Variants in PIEZO2 observed in about 807,000 individuals in gnomAD.
PIEZO2 encodes piezo type mechanosensitive ion channel component 2.
Under a neutral mutation model 337.3 loss-of-function variants are expected in PIEZO2, and 172 were observed. The observed-to-expected ratio is 0.51, with a 90% CI of 0.45 to 0.58. The LOEUF (loss-of-function observed/expected upper bound fraction) is 0.58, where lower values mean the gene tolerates loss of function less well. Among genes scored for constraint, PIEZO2 ranks in the 20% least tolerant of loss-of-function variants. PIEZO2 has a pLI of 0.00. For missense variants in PIEZO2, 3,028 were observed against 3,391.3 expected (o/e 0.89, Z 2.66); for synonymous variants, 1,251 against 1,228.5 (o/e 1.02, Z -0.38).
chr18:10,701,844 T>TA, intron 43 of PIEZO2, 145 bp downstream of exon 43: 2 of 555,230 alleles, frequency 3.6e-6, no homozygotes, highest in African/African-American at 2.0e-5. Context: ...CTTTTTTTTT[T>TA]TAAAAAAAAC....
intron 7 of PIEZO2, among the ~76,000 whole-genome samples, chr18:10,817,490 T>A (rs975842260): frequency 2.0e-5 from 3 of 152,290 alleles, no homozygotes; most frequent in Middle Eastern, 3.4e-3. Flanking sequence ...TAAGGCACAA[T>A]CTTGTTCATA....
intron 18 of PIEZO2, among the ~76,000 whole-genome samples, chr18:10,778,357 G>T (rs2038860655): frequency 2.8e-5 from 1 of 36,082 alleles, no homozygotes; most frequent in African/African-American, 8.7e-5. Flanking sequence ...TTTTTTGAGA[G>T]GGAGTCGCTC....
At chr18:11,045,407 A>G (rs2625345) in intron 2 of PIEZO2, among the ~76,000 whole-genome samples, 144,449 of 152,136 alleles carry the variant, frequency 0.95, 68,661 homozygotes, top group East Asian at 1. Context: ...GAACAAAGCC[A>G]ATGTAACACA....
chr18:11,096,566 G>T lies in PIEZO2; in HGVS notation c.65-30344C>A, dbSNP rs2039268759. ...GCCATTCCCAGTTCTTTTCTGCAGG[G>T]ATTTCCAAGAGAAACAGGAAGTGGT... On this transcript the variant is annotated intron_variant, in intron 1 of 55. Coordinates refer to ENST00000674853, the MANE Select transcript of PIEZO2 (RefSeq NM_001378183.1). The surrounding 1 kb of genome is among the most constrained non-coding windows in gnomAD (Gnocchi z 4.6). 6.6e-6 allele frequency among the ~76,000 whole-genome samples: 1 copy of T among 152,236 alleles called. No homozygotes were observed. Among genetic ancestry groups the T allele is most frequent in the African/African-American group, 2.4e-5 (1 of 41,528 alleles).
rs572163495 is a variant in PIEZO2 at position 10,812,034 on chromosome 18, C to T, written c.918-4760G>A. On this transcript the variant is annotated intron_variant, in intron 7 of 55. Coordinates refer to ENST00000674853, the MANE Select transcript of PIEZO2 (RefSeq NM_001378183.1). The stretch of plus-strand genomic sequence containing the variant: ...ATTTTTAGTAGAGACGGGGTTTCAC[C>T]GTGTTAGCCAGGATGGTCTCGATCT... Among the ~76,000 whole-genome samples, 1,300 of 152,272 alleles carry T rather than the reference C, an allele frequency of 8.5e-3. 6 individuals are homozygous for T. The highest frequency in any genetic ancestry group is 0.013 in the Admixed American group (193 of 15,300).
chr18:11,147,727 C>T (rs1372139831), intron 1 of PIEZO2, among the ~76,000 whole-genome samples: 1 of 152,232 alleles, frequency 6.6e-6, no homozygotes, highest in Admixed American at 6.5e-5. Context: ...CGGTCCGACT[C>T]CCAGAACGCA....
chr18:10,866,517 C>A (rs1001950877), intron 5 of PIEZO2, among the ~76,000 whole-genome samples: 5 of 152,174 alleles, frequency 3.3e-5, no homozygotes, highest in East Asian at 1.9e-4. Context: ...AATATCCCGA[C>A]CTCGTGATCT....
chr18:10,908,537 A>C (rs1460044887), intron 4 of PIEZO2: 1 of 152,242 alleles, frequency 6.6e-6, no homozygotes, highest in Non-Finnish European at 1.5e-5. Context: ...ATATAACAGT[A>C]CTGCTGACAT....
At chr18:10,865,022 C>A (rs187945001) in intron 5 of PIEZO2, among the ~76,000 whole-genome samples, 1 of 152,192 alleles carries the variant, frequency 6.6e-6, no homozygotes, top group Non-Finnish European at 1.5e-5. Flanking sequence ...TCCAGAAGGA[C>A]AAGAGTGAGG....
chr18:11,130,618 T>C (rs1370897339), intron 1 of PIEZO2, among the ~76,000 whole-genome samples: 2 of 152,240 alleles, frequency 1.3e-5, no homozygotes, highest in Non-Finnish European at 2.9e-5. Context: ...GACATTTGTG[T>C]GGCAGCAGAG....
At chr18:11,090,912 TAAA>T (rs61020782) in intron 1 of PIEZO2, among the ~76,000 whole-genome samples, 370 of 123,640 alleles carry the variant, frequency 3.0e-3, no homozygotes, top group South Asian at 5.9e-3. Context: ...AGACTCCGTC[TAAA>T]AAAAAAAAAA....
intron 1 of PIEZO2, among the ~76,000 whole-genome samples, chr18:11,140,401 C>T (rs2040609557): frequency 6.6e-6 from 1 of 152,168 alleles, no homozygotes; most frequent in Admixed American, 6.5e-5. Flanking sequence ...CTTTCTAAGC[C>T]CTGGAGGTAC....
intron 21 of PIEZO2, among the ~76,000 whole-genome samples, chr18:10,763,505 T>C (rs1287704828): frequency 6.6e-6 from 1 of 152,064 alleles, no homozygotes; most frequent in African/African-American, 2.4e-5. Flanking sequence ...GAGGCATGAA[T>C]GAAGGCAGGA....
intron 5 of PIEZO2, among the ~76,000 whole-genome samples, chr18:10,866,122 A>C (rs1266544162): frequency 6.6e-6 from 1 of 152,212 alleles, no homozygotes; most frequent in Non-Finnish European, 1.5e-5. Context: ...GGGCGAAATA[A>C]AAATGAAGAT....
chr18:10,779,834 TAAGAC>T (rs2038917563), intron 18 of PIEZO2, among the ~76,000 whole-genome samples: 1 of 152,026 alleles, frequency 6.6e-6, no homozygotes, highest in African/African-American at 2.4e-5. Context: ...GCAAGGCAGA[TAAGAC>T]AAGCAGGCAG....
rs1568052874 is a variant in PIEZO2 at position 10,783,466 on chromosome 18, CAA to C, written c.2492+1316_2492+1317del. Among the ~76,000 whole-genome samples the C allele has an allele frequency of 6.6e-6, 1 of 152,222 alleles. No individual in the cohort carries two copies. Among genetic ancestry groups the C allele is most frequent in the Admixed American group, 6.5e-5 (1 of 15,280 alleles). On this transcript the variant is annotated intron_variant, in intron 17 of 55. Transcript: ENST00000674853. This position sits in a 1 kb window ranked among gnomAD's most constrained non-coding sequence, Gnocchi z 4.3. ...AACTTGGGGTGATTTTCCCTCCCAT[CAA>C]GTTTGTCTATGACTGATATCTTCTA...
chr18:11,044,512 G>A (rs2037233846), intron 2 of PIEZO2, among the ~76,000 whole-genome samples: 1 of 152,174 alleles, frequency 6.6e-6, no homozygotes, highest in Admixed American at 6.5e-5. Flanking sequence ...AGAGGAAGCT[G>A]TAGCCATTTT....
Position 10,716,397 on chromosome 18 carries a change from G to A in PIEZO2, c.5090-581C>T, listed in dbSNP as rs1478477065. Among the ~76,000 whole-genome samples the A allele has an allele frequency of 1.3e-5, 2 of 152,128 alleles. No homozygotes were observed. The highest frequency in any genetic ancestry group is 6.5e-5 in the Admixed American group (1 of 15,276). The stretch of plus-strand genomic sequence containing the variant: ...TCTCTAGCTTCCTTATATAATATGT[G>A]TATATAGTGACATCTGATGTTCTGT... On this transcript the variant is annotated intron_variant, in intron 37 of 55. Transcript: ENST00000674853. This position sits in a 1 kb window ranked among gnomAD's most constrained non-coding sequence, Gnocchi z 4.1.
chr18:10,721,545 A>C (rs1361244632), intron 36 of PIEZO2, among the ~76,000 whole-genome samples: 1 of 152,148 alleles, frequency 6.6e-6, no homozygotes, highest in Non-Finnish European at 1.5e-5. Context: ...ACATTCCGGA[A>C]GGACAAATGT....
Sources: gnomAD v4.1 joint callset for allele counts (sites outside exome capture counted in the v4.1 genomes callset) on GRCh38, gnomAD v4.1.1 for gene constraint, Gnocchi (gnomAD v3.1) non-coding constraint, MANE v1.5 for transcripts, NCBI Gene and HGNC (gene_info 2026-07-23, HGNC 2026-07-21) for gene names.